Variants in KLF9 observed in about 807,000 individuals in gnomAD.
KLF9 encodes the protein KLF transcription factor 9, also known as Krueppel-like factor 9.
KLF9 carries 2 observed loss-of-function variants against 17.3 expected under a neutral mutation model. That is an observed-to-expected ratio of 0.12 (90% confidence interval 0.05 to 0.36). KLF9 has a LOEUF of 0.36. Ranked by LOEUF, KLF9 falls within the 10% of genes least tolerant of loss-of-function variation. KLF9 has a pLI of 1.00. For missense variants in KLF9, 226 were observed against 333.2 expected (o/e 0.68, Z 2.51); for synonymous variants, 138 against 139.2 (o/e 0.99, Z 0.06).
chr9:70,394,785 T>C (rs980299864), intron 1 of KLF9, among the ~76,000 whole-genome samples: 1 of 152,182 alleles, frequency 6.6e-6, no homozygotes, highest in African/African-American at 2.4e-5. Flanking sequence ...AGAATAAGCC[T>C]AACAATAAAA....
At position 70,414,439 on chromosome 9, in the gene KLF9, C is replaced by T. The variant is rs555325392; in HGVS notation, c.-1076G>A. 1 of 152,338 alleles carries T rather than the reference C, an allele frequency of 6.6e-6. No homozygotes were observed. Among genetic ancestry groups the T allele is most frequent in the Admixed American group, 6.5e-5 (1 of 15,300 alleles). The allele number at this position is 152,338 out of a possible 1,614,324, so 9.4% of individuals were successfully genotyped here. A position where few individuals can be genotyped will look rare whatever the true frequency, so the allele number is the denominator to read the frequency against. ...AGTTGGTTGATGTCACTGGCATTGG[C>T]TCGGCCAATCACAAGGGCGTTCCGA... On this transcript the variant is annotated 5_prime_UTR_variant, in exon 1 of 2. Coordinates refer to ENST00000377126, the MANE Select transcript of KLF9 (RefSeq NM_001206.4).
At chr9:70,390,825 A>G (rs191902914) in intron 1 of KLF9, among the ~76,000 whole-genome samples, 4 of 152,328 alleles carry the variant, frequency 2.6e-5, no homozygotes, top group African/African-American at 7.2e-5. Context: ...AACATGTTCT[A>G]TGAAAAATAT....
At chr9:70,412,741 C>G (rs553709326) in intron 1 of KLF9, 118 bp downstream of exon 1, 1 of 949,222 alleles carries the variant, frequency 1.1e-6, no homozygotes, top group Non-Finnish European at 1.6e-6. Context: ...TAAACCGCAT[C>G]TTATCCAACA....
chr9:70,393,175 A>G (rs1222431569), intron 1 of KLF9, among the ~76,000 whole-genome samples: 2 of 152,258 alleles, frequency 1.3e-5, no homozygotes, highest in Non-Finnish European at 2.9e-5. Context: ...AGAGACAGTC[A>G]TCAGGCCTCC....
chr9:70,402,120 A>C (rs1317852800), intron 1 of KLF9, among the ~76,000 whole-genome samples: 1 of 152,060 alleles, frequency 6.6e-6, no homozygotes, highest in Admixed American at 6.6e-5. Flanking sequence ...CACACTGGGA[A>C]CCCCCCGCTT....
At chr9:70,403,125 G>A (rs1292620200) in intron 1 of KLF9, among the ~76,000 whole-genome samples, 3 of 152,272 alleles carry the variant, frequency 2.0e-5, no homozygotes, top group East Asian at 1.9e-4. Flanking sequence ...ACTCCAGCCT[G>A]GGCAGCAGGG....
chr9:70,402,823 C>T lies in KLF9; in HGVS notation c.505+10036G>A, dbSNP rs189701218. On this transcript the variant is annotated intron_variant, in intron 1 of 1. Transcript: ENST00000377126. ...ACTGTTTGCCTCTCATTTTGTCAAACTCTGTTCTTTGGAAAATCCTGTTGG... is the reference window on the plus strand; with the variant it reads ...ACTGTTTGCCTCTCATTTTGTCAAATTCTGTTCTTTGGAAAATCCTGTTGG... Among the ~76,000 whole-genome samples, 6 of 152,208 alleles carry T rather than the reference C, an allele frequency of 3.9e-5. No individual in the cohort carries two copies. In the East Asian group the frequency reaches 1.2e-3, roughly 29 times the overall value.
intron 1 of KLF9, among the ~76,000 whole-genome samples, chr9:70,409,170 G>GTA (rs71954306): frequency 1.3e-5 from 1 of 78,556 alleles, no homozygotes; most frequent in African/African-American, 4.1e-5. Flanking sequence ...ACACATATAT[G>GTA]TATATATATG....
Position 70,413,472 on chromosome 9 carries a change from G to A in KLF9, c.-109C>T, listed in dbSNP as rs1274046757. 3.4e-6 allele frequency: 4 copies of A among 1,177,200 alleles called. No homozygotes were observed. Among genetic ancestry groups the A allele is most frequent in the Non-Finnish European group, 4.2e-6 (4 of 942,158 alleles). 72.9% of individuals were successfully genotyped at this position (1,177,200 alleles called of 1,614,324 possible). On this transcript the variant is annotated 5_prime_UTR_variant, in exon 1 of 2. Coordinates refer to ENST00000377126, the MANE Select transcript of KLF9 (RefSeq NM_001206.4). The surrounding 1 kb of genome is among the most constrained non-coding windows in gnomAD (Gnocchi z 5.6). ...CGACGAGCGCGGCGCGGCGCGGCAC[G>A]GCGCGGCGGCCAAGGGGGCGGGGGC...
intron 1 of KLF9, among the ~76,000 whole-genome samples, chr9:70,401,276 G>A (rs2037219330): frequency 6.6e-6 from 1 of 152,084 alleles, no homozygotes; most frequent in African/African-American, 2.4e-5. Flanking sequence ...GAGCCAAGGA[G>A]CATGAGGATG....
At chr9:70,392,760 T>A (rs982731770) in intron 1 of KLF9, among the ~76,000 whole-genome samples, 2 of 152,084 alleles carry the variant, frequency 1.3e-5, no homozygotes, top group African/African-American at 4.8e-5. Context: ...TGAGGCTCGG[T>A]GCTAAGGTCT....
At chr9:70,394,171 C>T (rs1491000416) in intron 1 of KLF9, among the ~76,000 whole-genome samples, 1 of 151,930 alleles carries the variant, frequency 6.6e-6, no homozygotes, top group African/African-American at 2.4e-5. Flanking sequence ...ACTGCTTGAG[C>T]CCAGGAGATC....
chr9:70,409,157 T>C (rs1336654737), intron 1 of KLF9, among the ~76,000 whole-genome samples: 4 of 59,990 alleles, frequency 6.7e-5, no homozygotes, highest in African/African-American at 1.5e-4. Flanking sequence ...TATGTATATA[T>C]ATACACATAT....
At position 70,409,100 on chromosome 9, in the gene KLF9, ATG is replaced by A. The variant is rs551462905; in HGVS notation, c.505+3757_505+3758del. Among the ~76,000 whole-genome samples the A allele has an allele frequency of 3.7e-3, 253 of 69,152 alleles. 13 individuals are homozygous for A. Among genetic ancestry groups the A allele is most frequent in the African/African-American group, 8.8e-3 (240 of 27,254 alleles). 45.4% of individuals were successfully genotyped at this position (69,152 alleles called of 152,430 possible). A position where few individuals can be genotyped will look rare whatever the true frequency, so the allele number is the denominator to read the frequency against. On this transcript the variant is annotated intron_variant, in intron 1 of 1. Transcript: ENST00000377126. Reference sequence around the variant, plus strand: ...TATATATACACATATATGTATATATATGTGTATATATATACATATATGTATAT... The same window carrying A: ...TATATATACACATATATGTATATATATGTATATATATACATATATGTATAT...
intron 1 of KLF9, among the ~76,000 whole-genome samples, chr9:70,404,422 A>G (rs1265399828): frequency 1.3e-5 from 2 of 152,122 alleles, no homozygotes; most frequent in Admixed American, 1.3e-4. Flanking sequence ...CAACATAGTG[A>G]AACCCAGCCT....
At chr9:70,399,505 C>T (rs975977744) in intron 1 of KLF9, among the ~76,000 whole-genome samples, 5 of 152,176 alleles carry the variant, frequency 3.3e-5, no homozygotes, top group African/African-American at 1.2e-4. Flanking sequence ...GATATAAATG[C>T]CTAATGGCAA....
At position 70,397,473 on chromosome 9, in the gene KLF9, T is replaced by TA. The variant is rs371392350; in HGVS notation, c.506-9469dup. Among the ~76,000 whole-genome samples, 607 of 143,786 alleles carry TA rather than the reference T, an allele frequency of 4.2e-3. 2 individuals are homozygous for TA. Among genetic ancestry groups the TA allele is most frequent in the African/African-American group, 0.012 (489 of 39,396 alleles). The allele number at this position is 143,786 out of a possible 152,430, so 94.3% of individuals were successfully genotyped here. A position where few individuals can be genotyped will look rare whatever the true frequency, so the allele number is the denominator to read the frequency against. Reference sequence around the variant, plus strand: ...CTGGGTGACAGAGTGAGACTCTGACTAAAAAAAAAAACAAAACGGAGAAAG... The same window carrying TA: ...CTGGGTGACAGAGTGAGACTCTGACTAAAAAAAAAAAACAAAACGGAGAAAG... On this transcript the variant is annotated intron_variant, in intron 1 of 1. Coordinates refer to ENST00000377126, the MANE Select transcript of KLF9 (RefSeq NM_001206.4).
intron 1 of KLF9, among the ~76,000 whole-genome samples, chr9:70,395,545 T>C: frequency 6.6e-6 from 1 of 152,168 alleles, no homozygotes; most frequent in Non-Finnish European, 1.5e-5. Flanking sequence ...AATTGAAGCA[T>C]ATGACAAAAT....
chr9:70,413,953 A>G lies in KLF9; in HGVS notation c.-590T>C, dbSNP rs917643795. On this transcript the variant is annotated 5_prime_UTR_variant, in exon 1 of 2. Transcript: ENST00000377126. This position sits in a 1 kb window ranked among gnomAD's most constrained non-coding sequence, Gnocchi z 5.6. Reference sequence around the variant, plus strand: ...GCACCGTTCCGGCATTCTCTTGCTCAGTAACAATTTCGCAGAATCCCATCA... The same window carrying G: ...GCACCGTTCCGGCATTCTCTTGCTCGGTAACAATTTCGCAGAATCCCATCA... The G allele has an allele frequency of 8.5e-5, 13 of 152,664 alleles. No homozygotes were observed. The highest frequency in any genetic ancestry group is 3.1e-4 in the African/African-American group (13 of 41,426). 9.5% of individuals were successfully genotyped at this position (152,664 alleles called of 1,614,324 possible). A position where few individuals can be genotyped will look rare whatever the true frequency, so the allele number is the denominator to read the frequency against.
Sources: allele counts gnomAD v4.1 joint callset (sites outside exome capture counted in the v4.1 genomes callset), GRCh38; gene constraint gnomAD v4.1.1; non-coding constraint Gnocchi (gnomAD v3.1); transcripts MANE v1.5; gene names NCBI Gene and HGNC (gene_info 2026-07-23, HGNC 2026-07-21).